Variants in DCDC1 observed in about 807,000 individuals in gnomAD.
DCDC1 encodes the protein doublecortin domain containing 1.
In DCDC1, 200 loss-of-function variants were observed where a neutral mutation model predicts 178.3. The observed-to-expected ratio is 1.12, with a 90% confidence interval of 1.00 to 1.26. The LOEUF is 1.26. DCDC1 is among the 50% of genes most tolerant of loss of function. The probability of loss-of-function intolerance (pLI) is 0.00; values close to 1 mark genes in which losing one functional copy is unlikely to be tolerated. For missense variants in DCDC1, 1,983 were observed against 1,749.2 expected (o/e 1.13, Z -2.38); for synonymous variants, 690 against 604.8 (o/e 1.14, Z -2.07).
intron 3 of DCDC1, among the ~76,000 whole-genome samples, chr11:31,319,369 T>C (rs1949243311): frequency 1.6e-5 from 1 of 63,818 alleles, no homozygotes; most frequent in Admixed American, 1.7e-4. Flanking sequence ...ATATTTAGGA[T>C]AGTTAGCTCC....
chr11:31,279,008 T>C (rs1221782565), intron 7 of DCDC1, among the ~76,000 whole-genome samples: 2 of 152,116 alleles, frequency 1.3e-5, no homozygotes, highest in African/African-American at 2.4e-5. Flanking sequence ...ACTGGTTGAA[T>C]TTTGGTGAGT....
intron 20 of DCDC1, among the ~76,000 whole-genome samples, chr11:31,056,685 A>G (rs773865061): frequency 6.6e-6 from 1 of 152,194 alleles, no homozygotes; most frequent in Admixed American, 6.5e-5. Flanking sequence ...AAAAATTCAT[A>G]AAACTCAAAG....
intron 9 of DCDC1, among the ~76,000 whole-genome samples, chr11:31,228,053 TACA>T (rs1275949014): frequency 6.6e-6 from 1 of 151,984 alleles, no homozygotes; most frequent in African/African-American, 2.4e-5. Flanking sequence ...AATCCAAAGT[TACA>T]ACAAGAATAA....
chr11:31,041,150 A>G (rs1954422524), intron 20 of DCDC1, among the ~76,000 whole-genome samples: 1 of 152,230 alleles, frequency 6.6e-6, no homozygotes, highest in African/African-American at 2.4e-5. Flanking sequence ...TCTTAGGGAC[A>G]GGAGTGAAAG....
In DCDC1 at chr11:31,127,573, C is replaced by A; in HGVS notation, c.1381G>T (p.Gly461Cys). The A allele has an allele frequency of 1.4e-6, 1 of 702,700 alleles. No individual in the cohort carries two copies. Among genetic ancestry groups the A allele is most frequent in the Non-Finnish European group, 2.6e-6 (1 of 384,792 alleles). The allele number at this position is 702,700 out of a possible 1,614,324, so 43.5% of individuals were successfully genotyped here. The change falls in exon 11 of 39, where the codon GGC (glycine) becomes TGC (cysteine). Residue 461 changes from glycine to cysteine, a missense_variant. Physicochemically the swap from Gly to Cys is radical, Grantham distance 159. Transcript: ENST00000684477. ...TCCTGCTCAGCCTGTAATTGGGGGC[C>A]AAGTTTACAGAGATGACCTATGTTA... Reference protein sequence around the residue: ...KSNIGHLCKLGPQLQAEQEQF... With the variant: ...KSNIGHLCKLCPQLQAEQEQF...
intron 9 of DCDC1, among the ~76,000 whole-genome samples, chr11:31,223,039 ATAT>A (rs1974468102): frequency 1.3e-5 from 2 of 152,210 alleles, no homozygotes; most frequent in African/African-American, 4.8e-5. Context: ...AAACATTAAA[ATAT>A]TATACATGAT....
intron 20 of DCDC1, among the ~76,000 whole-genome samples, chr11:31,063,613 T>C (rs1956079043): frequency 1.3e-5 from 2 of 152,154 alleles, no homozygotes; most frequent in South Asian, 4.1e-4. Flanking sequence ...GTGTGGTGGC[T>C]CATGCTGATA....
At chr11:31,352,270 A>G (rs1951110262) in intron 1 of DCDC1, among the ~76,000 whole-genome samples, 2 of 152,180 alleles carry the variant, frequency 1.3e-5, no homozygotes, top group African/African-American at 4.8e-5. Flanking sequence ...TACCAGAGGA[A>G]AAACAATGAG....
At chr11:31,118,082 T>C (rs751269605) in intron 11 of DCDC1, among the ~76,000 whole-genome samples, 2 of 152,100 alleles carry the variant, frequency 1.3e-5, no homozygotes, top group Non-Finnish European at 2.9e-5. Context: ...GAGAAAAACA[T>C]AGTCATGTGC....
At chr11:31,098,218 G>C (rs1432387871) in intron 15 of DCDC1, among the ~76,000 whole-genome samples, 1 of 152,132 alleles carries the variant, frequency 6.6e-6, no homozygotes, top group African/African-American at 2.4e-5. Context: ...TATCTCATTT[G>C]ATATTAACTA....
intron 25 of DCDC1, among the ~76,000 whole-genome samples, chr11:30,917,625 G>T (rs1390970424): frequency 6.6e-6 from 1 of 152,174 alleles, no homozygotes; most frequent in East Asian, 1.9e-4. Context: ...TTACTAAAAT[G>T]AAGATATAAA....
chr11:31,012,057 C>T (rs533716956), intron 20 of DCDC1, among the ~76,000 whole-genome samples: 6 of 152,220 alleles, frequency 3.9e-5, no homozygotes, highest in Non-Finnish European at 5.9e-5. Context: ...CCTCCTCCTT[C>T]GCTCTCTCTT....
chr11:30,971,738 T>A (rs1949809560), intron 20 of DCDC1, among the ~76,000 whole-genome samples: 1 of 151,152 alleles, frequency 6.6e-6, no homozygotes, highest in African/African-American at 2.4e-5. Context: ...GCTTCCCAAG[T>A]AGCTGGGACT....
At chr11:31,324,017 T>C (rs1949516645) in intron 3 of DCDC1, among the ~76,000 whole-genome samples, 1 of 151,994 alleles carries the variant, frequency 6.6e-6, no homozygotes, top group African/African-American at 2.4e-5. Context: ...CAGAAGAAAA[T>C]GTAATTCTAG....
chr11:30,935,021 C>G (rs1426820543), intron 21 of DCDC1, among the ~76,000 whole-genome samples: 1 of 152,080 alleles, frequency 6.6e-6, no homozygotes, highest in African/African-American at 2.4e-5. Context: ...GTAAACTTTC[C>G]CTGTGTTGAC....
intron 29 of DCDC1, 93 bp downstream of exon 29, chr11:30,908,853 A>G: frequency 2.5e-6 from 3 of 1,186,124 alleles, no homozygotes; most frequent in Non-Finnish European, 3.4e-6. Context: ...GTATGAACAT[A>G]AAGTTTTCTA....
At chr11:31,176,384 C>A (rs142639081) in intron 9 of DCDC1, among the ~76,000 whole-genome samples, 1 of 152,234 alleles carries the variant, frequency 6.6e-6, no homozygotes, top group Non-Finnish European at 1.5e-5. Context: ...ATGAGCAAAG[C>A]CTTTGAGTCT....
intron 2 of DCDC1, among the ~76,000 whole-genome samples, chr11:31,332,249 G>A (rs918934087): frequency 2.5e-4 from 38 of 151,964 alleles, no homozygotes; most frequent in East Asian, 5.8e-4. Flanking sequence ...TTTTTATTGC[G>A]TCTATTTGAT....
chr11:31,086,800 C>T (rs1957507143), intron 17 of DCDC1, among the ~76,000 whole-genome samples: 1 of 152,000 alleles, frequency 6.6e-6, no homozygotes, highest in South Asian at 2.1e-4. Context: ...ATTCCATTTG[C>T]TAAAATTTTG....
Sources: gnomAD v4.1 joint callset for allele counts (sites outside exome capture counted in the v4.1 genomes callset) on GRCh38, gnomAD v4.1.1 for gene constraint, MANE v1.5 for transcripts, NCBI Gene and HGNC (gene_info 2026-07-23, HGNC 2026-07-21) for gene names.